Variants in DEUP1 observed in about 807,000 individuals in gnomAD.
DEUP1 encodes the protein coiled-coil domain containing 67.
In DEUP1, 82 loss-of-function variants were observed where a neutral mutation model predicts 87.4. The observed-to-expected ratio is 0.94, with a 90% CI of 0.78 to 1.13. The LOEUF is 1.13. DEUP1 is among the 50% of genes most tolerant of loss of function. The probability of loss-of-function intolerance (pLI) is 0.00; values close to 1 mark genes in which losing one functional copy is unlikely to be tolerated. For missense variants in DEUP1, 663 were observed against 681.5 expected, an observed-to-expected ratio of 0.97 and a Z score of 0.30; for synonymous variants, 214 against 222.7, an observed-to-expected ratio of 0.96 and a Z score of 0.35.
intron 7 of DEUP1, among the ~76,000 whole-genome samples, chr11:93,378,608 G>T (rs1336047995): frequency 1.3e-5 from 2 of 151,880 alleles, no homozygotes; most frequent in East Asian, 3.9e-4. Flanking sequence ...TTGATCCATT[G>T]CTGGCGAGCT....
At chr11:93,338,976 A>G (rs1943916773) in intron 2 of DEUP1, among the ~76,000 whole-genome samples, 1 of 152,202 alleles carries the variant, frequency 6.6e-6, no homozygotes, top group Admixed American at 6.5e-5. Flanking sequence ...ATGGTTACAT[A>G]GGAATGGCTT....
At chr11:93,435,762 CGAG>C (rs764371709) in intron 13 of DEUP1, among the ~76,000 whole-genome samples, 1 of 152,010 alleles carries the variant, frequency 6.6e-6, no homozygotes, top group Non-Finnish European at 1.5e-5. Context: ...TTTGGGAGGC[CGAG>C]GAGGGCAGAT....
intron 13 of DEUP1, among the ~76,000 whole-genome samples, chr11:93,430,603 A>C (rs1301961236): frequency 6.6e-6 from 1 of 152,198 alleles, no homozygotes; most frequent in Non-Finnish European, 1.5e-5. Context: ...AACAAGGAGC[A>C]GTGGCTTAAG....
intron 13 of DEUP1, 182 bp from the exon 14 acceptor site, chr11:93,437,361 T>C (rs1948276728): frequency 1.8e-6 from 1 of 543,732 alleles, no homozygotes; most frequent in Non-Finnish European, 3.2e-6. Context: ...CTTACTTAGT[T>C]CCTTGAGGAT....
At chr11:93,355,109 A>T (rs190325389) in intron 2 of DEUP1, among the ~76,000 whole-genome samples, 56 of 152,234 alleles carry the variant, frequency 3.7e-4, no homozygotes, top group African/African-American at 1.1e-3. Context: ...AAGTCTTATA[A>T]TTTTTCCTAA....
chr11:93,395,105 A>G (rs546257767), intron 10 of DEUP1, among the ~76,000 whole-genome samples: 154 of 152,314 alleles, frequency 1.0e-3, no homozygotes, highest in African/African-American at 3.5e-3. Flanking sequence ...AAACATGAAA[A>G]TTAGTTCATA....
At chr11:93,412,808 G>C (rs1185828799) in intron 12 of DEUP1, among the ~76,000 whole-genome samples, 1 of 151,922 alleles carries the variant, frequency 6.6e-6, no homozygotes, top group Non-Finnish European at 1.5e-5. Flanking sequence ...AATTCTACTT[G>C]AATTGTGAGA....
chr11:93,342,796 A>C (rs1372391732), intron 2 of DEUP1, among the ~76,000 whole-genome samples: 3 of 152,234 alleles, frequency 2.0e-5, no homozygotes, highest in Non-Finnish European at 2.9e-5. Context: ...TTATGGTGAG[A>C]AGCAGTCAGA....
chr11:93,414,382 G>A (rs767987233), intron 12 of DEUP1, among the ~76,000 whole-genome samples: 11 of 151,996 alleles, frequency 7.2e-5, no homozygotes, highest in Non-Finnish European at 1.3e-4. Flanking sequence ...GCGTGGTGGC[G>A]GGCGCCTATA....
rs1038079022 is a variant in DEUP1 at position 93,383,390 on chromosome 11, A to C, written c.790-2008A>C. The C allele has an allele frequency of 1.2e-5, 5 of 423,990 alleles. No homozygotes were observed. In the Admixed American group the frequency reaches 1.6e-4, roughly 14 times the overall value. The allele number at this position is 423,990 out of a possible 1,614,324, so 26.3% of individuals were successfully genotyped here. A position where few individuals can be genotyped will look rare whatever the true frequency, so the allele number is the denominator to read the frequency against. ...AAAAGGCCACATAGTGTATGACACCATTTGTATGAAACATCTAGAATAGGC... is the reference window on the plus strand; with the variant it reads ...AAAAGGCCACATAGTGTATGACACCCTTTGTATGAAACATCTAGAATAGGC... On this transcript the variant is annotated intron_variant, in intron 7 of 13. Coordinates refer to ENST00000298050, the MANE Select transcript of DEUP1 (RefSeq NM_181645.4).
intron 2 of DEUP1, among the ~76,000 whole-genome samples, chr11:93,336,900 T>C (rs1249779735): frequency 2.0e-5 from 3 of 152,186 alleles, no homozygotes; most frequent in Admixed American, 2.0e-4. Context: ...GTTAAAAATA[T>C]CCCTTTACTT....
chr11:93,420,221 C>A (rs61918330), intron 13 of DEUP1, among the ~76,000 whole-genome samples: 1 of 152,118 alleles, frequency 6.6e-6, no homozygotes, highest in Non-Finnish European at 1.5e-5. Context: ...CCACCATGAT[C>A]AAGTGGGCTT....
rs1418144524 is a variant in DEUP1, at chr11:93,419,239, C to G, written c.1638+4125C>G. Among the ~76,000 whole-genome samples the G allele has an allele frequency of 4.0e-5, 6 of 151,160 alleles. No individual in the cohort carries two copies. The East Asian group carries it at 5.9e-4, about 15-fold the overall frequency. On this transcript the variant is annotated intron_variant, in intron 13 of 13. Transcript: ENST00000298050. Reference sequence around the variant, plus strand: ...GGATAGCAGCAAGACAGGCAGATCCCCACACTGCTACTGCTCAGACCCAAG... The same window carrying G: ...GGATAGCAGCAAGACAGGCAGATCCGCACACTGCTACTGCTCAGACCCAAG...
chr11:93,383,618 G>A (rs747001357), intron 7 of DEUP1: 2 of 666,058 alleles, frequency 3.0e-6, no homozygotes, highest in Non-Finnish European at 5.5e-6. Flanking sequence ...ATGGTATGTG[G>A]ATTATATTTC....
At chr11:93,344,167 G>C (rs1308828542) in intron 2 of DEUP1, among the ~76,000 whole-genome samples, 1 of 152,054 alleles carries the variant, frequency 6.6e-6, no homozygotes. Context: ...CTAAAGAGCA[G>C]ACTGACATCA....
chr11:93,342,091 T>A (rs1475812304), intron 2 of DEUP1, among the ~76,000 whole-genome samples: 1 of 152,196 alleles, frequency 6.6e-6, no homozygotes, highest in Non-Finnish European at 1.5e-5. Context: ...TCAAGATTCT[T>A]AACTTATGTG....
Position 93,400,932 on chromosome 11 carries a change from G to A in DEUP1, c.1326+4607G>A, listed in dbSNP as rs983326340. The stretch of plus-strand genomic sequence containing the variant: ...ACCACTTTTATTCAACATAATACTC[G>A]AAGTCCTGGCCAGAGCAATTAGGCG... On this transcript the variant is annotated intron_variant, in intron 11 of 13. Coordinates refer to ENST00000298050, the MANE Select transcript of DEUP1 (RefSeq NM_181645.4). 3.9e-5 allele frequency among the ~76,000 whole-genome samples: 6 copies of A among 151,960 alleles called. No individual in the cohort carries two copies. In the East Asian group the frequency reaches 5.8e-4, roughly 15 times the overall value.
At chr11:93,361,491 G>T (rs775827518) in intron 4 of DEUP1, among the ~76,000 whole-genome samples, 1 of 151,960 alleles carries the variant, frequency 6.6e-6, no homozygotes, top group Admixed American at 6.6e-5. Context: ...AGATAATTGT[G>T]TTATAAATGG....
intron 13 of DEUP1, among the ~76,000 whole-genome samples, chr11:93,420,484 TC>T (rs1171857689): frequency 6.6e-6 from 1 of 151,232 alleles, no homozygotes; most frequent in Non-Finnish European, 1.5e-5. Context: ...CTGGAAGCAT[TC>T]CCTTTGAAAA....
Sources: allele counts gnomAD v4.1 joint callset (sites outside exome capture counted in the v4.1 genomes callset), GRCh38; gene constraint gnomAD v4.1.1; transcripts MANE v1.5; gene names NCBI Gene and HGNC (gene_info 2026-07-23, HGNC 2026-07-21).